MYT1L: variants seen among roughly 807,000 people sequenced by gnomAD.
MYT1L encodes the protein myelin transcription factor 1-like protein.
Under a neutral mutation model 126.7 loss-of-function variants are expected in MYT1L, and 12 were observed. That is an observed-to-expected ratio of 0.09 (90% CI 0.06 to 0.15). The LOEUF (loss-of-function observed/expected upper bound fraction) is 0.15, where lower values mean the gene tolerates loss of function less well. MYT1L is among the 10% of genes least tolerant of loss of function. The pLI, the probability that MYT1L is intolerant of heterozygous loss-of-function variation, is 1.00. For synonymous variants in MYT1L, 541 were observed against 604.2 expected, an observed-to-expected ratio of 0.90 and a Z score of 1.53; for missense variants, 979 against 1,585.2, an observed-to-expected ratio of 0.62 and a Z score of 6.49.
chr2:2,162,287 G>C (rs1180260752), intron 3 of MYT1L, among the ~76,000 whole-genome samples: 1 of 151,996 alleles, frequency 6.6e-6, no homozygotes, highest in Non-Finnish European at 1.5e-5. Flanking sequence ...AATGCAGGTG[G>C]TGCCTGGGGT....
intron 9 of MYT1L, among the ~76,000 whole-genome samples, chr2:1,932,714 G>A (rs1328475355): frequency 6.6e-6 from 1 of 152,202 alleles, no homozygotes; most frequent in Non-Finnish European, 1.5e-5. Flanking sequence ...ATCTGAAGAG[G>A]TGGGAAAGTG....
At chr2:1,826,142 A>AC (rs1168775367) in intron 21 of MYT1L, 1 of 152,246 alleles carries the variant, frequency 6.6e-6, no homozygotes, top group Non-Finnish European at 1.5e-5. Context: ...CCTGCAGAGG[A>AC]CCCCCTTAGG....
intron 2 of MYT1L, among the ~76,000 whole-genome samples, chr2:2,236,991 A>AT (rs1559422427): frequency 1.3e-5 from 2 of 151,786 alleles, no homozygotes; most frequent in Admixed American, 6.6e-5. Flanking sequence ...TTTATGTACT[A>AT]TTAGTAGAGA....
At chr2:2,190,702 A>G (rs2092543905) in intron 2 of MYT1L, among the ~76,000 whole-genome samples, 1 of 152,212 alleles carries the variant, frequency 6.6e-6, no homozygotes, top group African/African-American at 2.4e-5. Flanking sequence ...TGAATGAGAT[A>G]ACCTGTTCAT....
intron 1 of MYT1L, among the ~76,000 whole-genome samples, chr2:2,320,381 A>G (rs2096140896): frequency 6.6e-6 from 1 of 152,074 alleles, no homozygotes; most frequent in Non-Finnish European, 1.5e-5. Flanking sequence ...GGACAGGGTT[A>G]AATTCATGAC....
chr2:2,199,032 A>G (rs972063077), intron 2 of MYT1L, among the ~76,000 whole-genome samples: 3 of 152,216 alleles, frequency 2.0e-5, no homozygotes, highest in African/African-American at 7.2e-5. Context: ...AAGGAGTGAA[A>G]GGTCAATTTC....
chr2:2,005,599 ATTTCCTGCATATGTTC>A (rs2063202655), intron 4 of MYT1L, among the ~76,000 whole-genome samples: 1 of 88,876 alleles, frequency 1.1e-5, no homozygotes, highest in South Asian at 3.6e-4. Context: ...TGCAGGCATT[ATTTCCTGCATATGTTC>A]TTTCCTGCAT....
At chr2:2,000,726 C>T (rs2062283707) in intron 4 of MYT1L, among the ~76,000 whole-genome samples, 1 of 152,080 alleles carries the variant, frequency 6.6e-6, no homozygotes, top group South Asian at 2.1e-4. Context: ...GACACAGAGC[C>T]CCAGGCATTT....
At chr2:1,950,846 C>A (rs944014354) in intron 8 of MYT1L, among the ~76,000 whole-genome samples, 2 of 152,104 alleles carry the variant, frequency 1.3e-5, no homozygotes, top group African/African-American at 2.4e-5. Context: ...ATCACTGTGG[C>A]TGTGGTGTGA....
At chr2:1,837,281 G>C (rs2041034039) in intron 21 of MYT1L, among the ~76,000 whole-genome samples, 1 of 152,262 alleles carries the variant, frequency 6.6e-6, no homozygotes, top group Non-Finnish European at 1.5e-5. Flanking sequence ...CGCAGAGGCA[G>C]CTCTGAACCA....
chr2:2,199,066 T>A (rs930671140), intron 2 of MYT1L, among the ~76,000 whole-genome samples: 1 of 152,108 alleles, frequency 6.6e-6, no homozygotes, highest in African/African-American at 2.4e-5. Flanking sequence ...AGTTTTGTCT[T>A]CAAAGAATCA....
At chr2:1,873,641 T>C (rs1414367199) in intron 18 of MYT1L, among the ~76,000 whole-genome samples, 1 of 152,248 alleles carries the variant, frequency 6.6e-6, no homozygotes, top group African/African-American at 2.4e-5. Context: ...GGCACCATTC[T>C]GGGTGCACAG....
intron 18 of MYT1L, among the ~76,000 whole-genome samples, chr2:1,859,982 C>G (rs941866069): frequency 2.0e-5 from 3 of 152,368 alleles, no homozygotes; most frequent in African/African-American, 4.8e-5. Context: ...GCCACGGCAG[C>G]GTCACTGTCC....
chr2:2,293,252 CAA>C (rs2095625272), intron 1 of MYT1L, among the ~76,000 whole-genome samples: 1 of 152,114 alleles, frequency 6.6e-6, no homozygotes, highest in Non-Finnish European at 1.5e-5. Flanking sequence ...AGAAAAAGAA[CAA>C]GAACAGCACC....
intron 2 of MYT1L, among the ~76,000 whole-genome samples, chr2:2,243,296 G>T (rs2094472796): frequency 6.6e-6 from 1 of 152,210 alleles, no homozygotes; most frequent in Non-Finnish European, 1.5e-5. Flanking sequence ...ACCATTCAAA[G>T]ATATTCTTGG....
chr2:2,241,360 C>A (rs1365652923), intron 2 of MYT1L, among the ~76,000 whole-genome samples: 1 of 151,944 alleles, frequency 6.6e-6, no homozygotes, highest in Non-Finnish European at 1.5e-5. Context: ...ATGGGGAAGC[C>A]CCATGAAGTG....
intron 1 of MYT1L, among the ~76,000 whole-genome samples, chr2:2,315,369 TTC>T (rs1405027419): frequency 6.6e-6 from 1 of 152,160 alleles, no homozygotes; most frequent in Non-Finnish European, 1.5e-5. Flanking sequence ...CATCAATATA[TTC>T]TCTGTCTATG....
chr2:2,034,053 C>T (rs1017322631), intron 4 of MYT1L, among the ~76,000 whole-genome samples: 1 of 152,126 alleles, frequency 6.6e-6, no homozygotes, highest in Non-Finnish European at 1.5e-5. Flanking sequence ...TCTCCAGACT[C>T]CAGACTAAGT....
chr2:1,804,981 A>G (rs2035465394), intron 22 of MYT1L, among the ~76,000 whole-genome samples: 1 of 152,160 alleles, frequency 6.6e-6, no homozygotes, highest in Admixed American at 6.5e-5. Context: ...AAAGCCACTG[A>G]TGGTACAACT....
Sources: gnomAD v4.1 joint callset for allele counts (sites outside exome capture counted in the v4.1 genomes callset) on GRCh38, gnomAD v4.1.1 for gene constraint, MANE v1.5 for transcripts, NCBI Gene and HGNC (gene_info 2026-07-23, HGNC 2026-07-21) for gene names.